CDH12: variants seen among roughly 807,000 people sequenced by gnomAD.
The protein encoded by CDH12 is cadherin 12.
In CDH12, 41 loss-of-function variants were observed where a neutral mutation model predicts 74.1. The observed-to-expected ratio is 0.55, with a 90% CI of 0.43 to 0.72. The LOEUF is 0.72. Among genes scored for constraint, CDH12 ranks in the 30% least tolerant of loss-of-function variants. The probability of loss-of-function intolerance (pLI) is 0.00; values close to 1 mark genes in which losing one functional copy is unlikely to be tolerated. For missense variants in CDH12, 945 were observed against 977.2 expected, an observed-to-expected ratio of 0.97 and a Z score of 0.44; for synonymous variants, 399 against 355.0, an observed-to-expected ratio of 1.12 and a Z score of -1.39.
chr5:22,189,916 G>A (rs1360454936), intron 4 of CDH12, among the ~76,000 whole-genome samples: 1 of 151,986 alleles, frequency 6.6e-6, no homozygotes, highest in Admixed American at 6.5e-5. Context: ...TTTCTAAGAC[G>A]TGTTTGCTTC....
chr5:22,510,473 T>C (rs1424831950), intron 1 of CDH12, among the ~76,000 whole-genome samples: 1 of 152,164 alleles, frequency 6.6e-6, no homozygotes, highest in Non-Finnish European at 1.5e-5. Flanking sequence ...AACAGACTTT[T>C]AAATAAGTGG....
intron 4 of CDH12, among the ~76,000 whole-genome samples, chr5:22,116,723 TCCCATAGAATTTCA>T (rs1232242366): frequency 6.6e-6 from 1 of 152,070 alleles, no homozygotes; most frequent in African/African-American, 2.4e-5. Flanking sequence ...TAGACTTCAC[TCCCATAGAATTTCA>T]CTTCTGTATA....
At chr5:22,510,970 C>G (rs1221769432) in intron 1 of CDH12, among the ~76,000 whole-genome samples, 1 of 151,782 alleles carries the variant, frequency 6.6e-6, no homozygotes, top group Non-Finnish European at 1.5e-5. Context: ...TCTCAGCTCA[C>G]TGCAACCTCC....
intron 1 of CDH12, among the ~76,000 whole-genome samples, chr5:22,668,903 CTT>C (rs907146562): frequency 6.6e-6 from 1 of 151,896 alleles, no homozygotes; most frequent in African/African-American, 2.4e-5. Context: ...CTTTATCTCT[CTT>C]GGTCTCTCTC....
At chr5:21,789,057 G>T (rs1007584188) in intron 10 of CDH12, among the ~76,000 whole-genome samples, 1 of 151,376 alleles carries the variant, frequency 6.6e-6, no homozygotes, top group Non-Finnish European at 1.5e-5. Flanking sequence ...CTTAATATCT[G>T]CTTTAAGTTT....
chr5:22,099,552 G>C (rs1744012897), intron 4 of CDH12, among the ~76,000 whole-genome samples: 1 of 152,034 alleles, frequency 6.6e-6, no homozygotes, highest in Non-Finnish European at 1.5e-5. Flanking sequence ...GACCAACTTA[G>C]ACTGTGCCCC....
chr5:22,845,081 T>C (rs565177748), intron 1 of CDH12, among the ~76,000 whole-genome samples: 5 of 152,302 alleles, frequency 3.3e-5, no homozygotes, highest in African/African-American at 9.6e-5. Flanking sequence ...GAGCACATTA[T>C]ACATAGTGAG....
intron 9 of CDH12, among the ~76,000 whole-genome samples, chr5:21,815,357 A>T (rs1449478906): frequency 1.3e-5 from 2 of 152,108 alleles, no homozygotes; most frequent in African/African-American, 2.4e-5. Context: ...GAACTAAATG[A>T]GCTTCACTTT....
intron 2 of CDH12, among the ~76,000 whole-genome samples, chr5:22,406,235 T>C (rs1050909271): frequency 1.3e-5 from 2 of 152,158 alleles, no homozygotes; most frequent in African/African-American, 4.8e-5. Flanking sequence ...GGACTCTTTT[T>C]GACATTATTG....
rs1580188760 is a variant in CDH12 at position 22,062,065 on chromosome 5, A to G, written c.231+16381T>C. On this transcript the variant is annotated intron_variant, in intron 5 of 14. Transcript: ENST00000382254. ...GGAGAGAAGAAAGAAGGAAGAAAAA[A>G]GAAAATAAACACAGTGCTCAAATCT... 2.6e-5 allele frequency among the ~76,000 whole-genome samples: 4 copies of G among 152,278 alleles called. No homozygotes were observed. In the South Asian group the frequency reaches 8.3e-4, roughly 32 times the overall value.
At chr5:22,433,031 T>C (rs967470784) in intron 2 of CDH12, among the ~76,000 whole-genome samples, 4 of 152,040 alleles carry the variant, frequency 2.6e-5, no homozygotes, top group Non-Finnish European at 2.9e-5. Context: ...CCAGAAGTGA[T>C]TAGAATTCAA....
At position 21,849,803 on chromosome 5, in the gene CDH12, T is replaced by C. The variant is rs145602778; in HGVS notation, c.646+4868A>G. 5.0e-3 allele frequency among the ~76,000 whole-genome samples: 764 copies of C among 151,874 alleles called. 4 individuals carry two copies. The highest frequency in any genetic ancestry group is 0.017 in the African/African-American group (719 of 41,508). On this transcript the variant is annotated intron_variant, in intron 7 of 14. Coordinates refer to ENST00000382254, the MANE Select transcript of CDH12 (RefSeq NM_004061.5). ...GTGACCCAGCAATCCCTTTTCTGGG[T>C]CTATACCCAAAGGAAATGAAATTAT...
chr5:21,789,431 G>A (rs1318432956), intron 10 of CDH12, among the ~76,000 whole-genome samples: 1 of 152,048 alleles, frequency 6.6e-6, no homozygotes, highest in African/African-American at 2.4e-5. Context: ...TTCTTACCAA[G>A]TTTTAGTAGC....
chr5:21,782,104 CAA>C (rs1351823229), intron 11 of CDH12, among the ~76,000 whole-genome samples: 1 of 152,076 alleles, frequency 6.6e-6, no homozygotes, highest in African/African-American at 2.4e-5. Context: ...ACTAGAAGCT[CAA>C]AGACAGCATC....
intron 6 of CDH12, among the ~76,000 whole-genome samples, chr5:21,935,693 C>T (rs537226624): frequency 7.9e-5 from 12 of 152,292 alleles, no homozygotes; most frequent in Non-Finnish European, 1.8e-4. Flanking sequence ...CTTATTCATT[C>T]TTTCTAACTA....
chr5:22,619,886 G>C (rs747942342), intron 1 of CDH12, among the ~76,000 whole-genome samples: 4 of 152,032 alleles, frequency 2.6e-5, no homozygotes, highest in Admixed American at 6.6e-5. Context: ...TTTAGTCTCA[G>C]AAACTCAGTG....
intron 1 of CDH12, among the ~76,000 whole-genome samples, chr5:22,672,121 A>ATATTATTTTATATATAAATATATAT (rs1740934310): frequency 7.9e-6 from 1 of 126,018 alleles, no homozygotes; most frequent in Non-Finnish European, 1.7e-5. Context: ...ATAAATATAT[A>ATATTATTTTATATATAAATATATAT]TTATTTTATA....
chr5:21,762,059 A>G (rs1296059088), intron 12 of CDH12, among the ~76,000 whole-genome samples: 2 of 152,114 alleles, frequency 1.3e-5, no homozygotes, highest in Middle Eastern at 3.2e-3. Flanking sequence ...AGATCACTCA[A>G]TTTCATTGAG....
intron 4 of CDH12, among the ~76,000 whole-genome samples, chr5:22,195,800 T>G: frequency 6.6e-6 from 1 of 152,184 alleles, no homozygotes. Flanking sequence ...CTCTCCTTTA[T>G]TTCTTGTTCC....
Sources: allele counts gnomAD v4.1 joint callset (sites outside exome capture counted in the v4.1 genomes callset), GRCh38; gene constraint gnomAD v4.1.1; transcripts MANE v1.5; gene names NCBI Gene and HGNC (gene_info 2026-07-23, HGNC 2026-07-21).